Variants in MARK4 observed in about 807,000 individuals in gnomAD.
MARK4 encodes the protein microtubule affinity regulating kinase 4, also known as MAP/microtubule affinity-regulating kinase 4.
Under a neutral mutation model 81.5 loss-of-function variants are expected in MARK4, and 19 were observed. That is an observed-to-expected ratio of 0.23 (90% confidence interval 0.16 to 0.34). The LOEUF (loss-of-function observed/expected upper bound fraction) is 0.34, where lower values mean the gene tolerates loss of function less well. Among genes scored for constraint, MARK4 ranks in the 10% least tolerant of loss-of-function variants. The pLI, the probability that MARK4 is intolerant of heterozygous loss-of-function variation, is 1.00. For synonymous variants in MARK4, 436 were observed against 439.0 expected, an observed-to-expected ratio of 0.99 and a Z score of 0.08; for missense variants, 772 against 1,058.8, an observed-to-expected ratio of 0.73 and a Z score of 3.76.
intron 13 of MARK4, among the ~76,000 whole-genome samples, chr19:45,290,719 A>G (rs1352393666): frequency 1.3e-5 from 2 of 152,218 alleles, no homozygotes; most frequent in Non-Finnish European, 2.9e-5. Flanking sequence ...GTGTCTGGCC[A>G]TGACCAGCAG....
rs1970997178 is a variant in MARK4, at chr19:45,302,900, T to C, written c.*190T>C. 4.2e-6 allele frequency: 4 copies of C among 956,882 alleles called. No homozygotes were observed. The highest frequency in any genetic ancestry group is 1.7e-5 in the African/African-American group (1 of 59,420). 59.3% of individuals were successfully genotyped at this position (956,882 alleles called of 1,614,324 possible). On this transcript the variant is annotated 3_prime_UTR_variant, in exon 17 of 17. Coordinates refer to ENST00000262891, the MANE Select transcript of MARK4 (RefSeq NM_001199867.2). The surrounding 1 kb of genome is among the most constrained non-coding windows in gnomAD (Gnocchi z 4.9). ...CAGCACAGAAGAAGGATGAGGGGGC[T>C]CAGCGGGGGGAGCTGGCACCTTCCT...
chr19:45,270,614 T>G (rs984827857), intron 7 of MARK4, among the ~76,000 whole-genome samples: 4 of 152,156 alleles, frequency 2.6e-5, no homozygotes, highest in African/African-American at 9.7e-5. Context: ...TTTTCTTTTT[T>G]TTTGAGACAA....
intron 8 of MARK4, among the ~76,000 whole-genome samples, chr19:45,275,230 C>T (rs1488564800): frequency 1.3e-5 from 2 of 152,174 alleles, no homozygotes; most frequent in Non-Finnish European, 2.9e-5. Context: ...CCCTGCACTC[C>T]AGCCTGGACG....
intron 1 of MARK4, among the ~76,000 whole-genome samples, chr19:45,256,732 C>A (rs1970312081): frequency 6.6e-6 from 1 of 152,134 alleles, no homozygotes; most frequent in South Asian, 2.1e-4. Context: ...ACAGGCATAT[C>A]CTGCTTTTTC....
chr19:45,296,627 C>A (rs1970891060), intron 14 of MARK4, among the ~76,000 whole-genome samples: 1 of 152,228 alleles, frequency 6.6e-6, no homozygotes, highest in Non-Finnish European at 1.5e-5. Context: ...AGTGCTCATA[C>A]TCTTAGGGGT....
chr19:45,273,375 G>C (rs1970556700), intron 8 of MARK4, among the ~76,000 whole-genome samples: 1 of 152,200 alleles, frequency 6.6e-6, no homozygotes, highest in African/African-American at 2.4e-5. Flanking sequence ...GCGAGAGCGG[G>C]TTATCTCCTG....
intron 9 of MARK4, 41 bp downstream of exon 9, chr19:45,278,083 C>T: frequency 1.2e-6 from 2 of 1,608,524 alleles, no homozygotes; most frequent in Non-Finnish European, 1.7e-6. Context: ...CTTCTAGTCT[C>T]CTGACTCCCC....
rs200954706 is a variant in MARK4 at position 45,297,898 on chromosome 19, G to A, written c.1821G>A (p.Gly607=). The change falls in exon 15 of 17, where the codon GGG becomes GGA. Residue 607 remains glycine (G), a synonymous_variant. Transcript: ENST00000262891. ...LAHEAAPLPA[G]RPRPTTNLFT... ...ATGAGGCTGCACCCCTGCCCGCCGGGCGGCCCCGCCCCACCACCAACCTCT... is the reference window on the plus strand; with the variant it reads ...ATGAGGCTGCACCCCTGCCCGCCGGACGGCCCCGCCCCACCACCAACCTCT... 1,273 of 1,549,952 alleles carry A rather than the reference G, an allele frequency of 8.2e-4. 4 individuals are homozygous for A. Among genetic ancestry groups the A allele is most frequent in the Middle Eastern group, 7.0e-3 (42 of 5,974 alleles).
chr19:45,282,271 T>G (rs1476802035), intron 12 of MARK4, among the ~76,000 whole-genome samples: 2 of 151,334 alleles, frequency 1.3e-5, no homozygotes, highest in African/African-American at 2.4e-5. Context: ...TCAGCACCCA[T>G]TAGGCATGGA....
chr19:45,299,056 C>A (rs146535615), intron 15 of MARK4, among the ~76,000 whole-genome samples: 1 of 109,162 alleles, frequency 9.2e-6, no homozygotes, highest in East Asian at 2.2e-4. Flanking sequence ...AGAGGGAGAA[C>A]CTGTCTCTAA....
At chr19:45,258,961 T>A (rs747579387) in intron 1 of MARK4, 28 bp from the exon 2 acceptor site, 1 of 1,604,340 alleles carries the variant, frequency 6.2e-7, no homozygotes, top group South Asian at 1.1e-5. Flanking sequence ...TGGGATTGGA[T>A]AGCTCATGCT....
chr19:45,277,433 A>ATT (rs35920861), intron 8 of MARK4, among the ~76,000 whole-genome samples: 12,781 of 131,798 alleles, frequency 0.097, 804 homozygotes, highest in African/African-American at 0.14. Context: ...TGTAGCTTAA[A>ATT]TTTTTTTTTT....
In MARK4 at chr19:45,273,772, C is replaced by T. The variant is rs184315513; in HGVS notation, c.786+2064C>T. ...ACGCTCTGTCCTGCTCTGCGTTGCC[C>T]GTGAGGAGCACGTACTGTGATATGA... is the stretch of plus-strand genomic sequence containing the variant. On this transcript the variant is annotated intron_variant, in intron 8 of 16. Coordinates refer to ENST00000262891, the MANE Select transcript of MARK4 (RefSeq NM_001199867.2). Among the ~76,000 whole-genome samples, 464 of 152,264 alleles carry T rather than the reference C, an allele frequency of 3.0e-3. 9 individuals carry two copies. The highest frequency in any genetic ancestry group is 0.026 in the Admixed American group (395 of 15,284).
At chr19:45,262,905 C>T in intron 2 of MARK4, 1 of 541,962 alleles carries the variant, frequency 1.8e-6, no homozygotes, top group South Asian at 2.0e-5. Context: ...GCTGGGATTA[C>T]AGGTGCCTGC....
Position 45,299,808 on chromosome 19 carries a change from T to C in MARK4, c.1878-3T>C. 3.1e-6 allele frequency: 5 copies of C among 1,602,238 alleles called. No individual in the cohort carries two copies. In the African/African-American group the frequency reaches 5.4e-5, roughly 17 times the overall value. ...GACACTCTGTCCCCCTCCCCTCCCC[T>C]AGGGTCGCAGACGAACCTGAGAGAA... On this transcript the variant is annotated splice_polypyrimidine_tract_variant and splice_region_variant and intron_variant, in intron 15 of 16. Coordinates refer to ENST00000262891, the MANE Select transcript of MARK4 (RefSeq NM_001199867.2).
intron 15 of MARK4, 89 bp from the exon 16 acceptor site, chr19:45,299,722 G>A: frequency 8.1e-7 from 1 of 1,233,126 alleles, no homozygotes; most frequent in East Asian, 2.7e-5. Context: ...GTTGAGGCAG[G>A]GGCTGCTTGG....
chr19:45,290,605 A>AGTG (rs1378677352), intron 13 of MARK4, among the ~76,000 whole-genome samples: 2 of 152,216 alleles, frequency 1.3e-5, no homozygotes, highest in Non-Finnish European at 2.9e-5. Flanking sequence ...GGCTGTGACC[A>AGTG]GTGGTGTCTG....
intron 12 of MARK4, 101 bp from the exon 13 acceptor site, chr19:45,287,346 A>G: frequency 1.3e-6 from 1 of 776,808 alleles, no homozygotes; most frequent in South Asian, 3.1e-5. Flanking sequence ...CCACACAGAG[A>G]TTGCAACCCA....
At position 45,273,535 on chromosome 19, in the gene MARK4, A is replaced by G. The variant is rs193112481; in HGVS notation, c.786+1827A>G. 2.0e-5 allele frequency among the ~76,000 whole-genome samples: 3 copies of G among 151,862 alleles called. No homozygotes were observed. In the East Asian group the frequency reaches 5.8e-4, roughly 29 times the overall value. On this transcript the variant is annotated intron_variant, in intron 8 of 16. Transcript: ENST00000262891. ...ATTTTTTTTTCCCAGTCGGGGATCC[A>G]CTCGGGTCCCTGCGTTGCATTTAGC...
Sources: allele counts gnomAD v4.1 joint callset (sites outside exome capture counted in the v4.1 genomes callset), GRCh38; gene constraint gnomAD v4.1.1; non-coding constraint Gnocchi (gnomAD v3.1); transcripts MANE v1.5; gene names NCBI Gene and HGNC (gene_info 2026-07-23, HGNC 2026-07-21).